KIFC3: variants seen among roughly 807,000 people sequenced by gnomAD.
The protein encoded by KIFC3 is kinesin-like protein KIFC3.
In KIFC3, 60 loss-of-function variants were observed where a neutral mutation model predicts 101.8. That is an observed-to-expected ratio of 0.59 (90% CI 0.48 to 0.73). The LOEUF (loss-of-function observed/expected upper bound fraction) is 0.73. Among genes scored for constraint, KIFC3 ranks in the 30% least tolerant of loss-of-function variants. The pLI, the probability that KIFC3 is intolerant of heterozygous loss-of-function variation, is 0.00. For missense variants in KIFC3, 966 were observed against 1,137.1 expected, an observed-to-expected ratio of 0.85 and a Z score of 2.16; for synonymous variants, 476 against 482.7, an observed-to-expected ratio of 0.99 and a Z score of 0.18.
chr16:57,813,413 A>G (rs1031797207), intron 1 of KIFC3, among the ~76,000 whole-genome samples: 5 of 152,164 alleles, frequency 3.3e-5, no homozygotes, highest in South Asian at 4.1e-4. Context: ...TTGGAGGCAC[A>G]GTGTCCCTGT....
At chr16:57,833,182 G>A (rs1404901844) in intron 1 of KIFC3, among the ~76,000 whole-genome samples, 1 of 151,112 alleles carries the variant, frequency 6.6e-6, no homozygotes, top group East Asian at 1.9e-4. Context: ...TTGCAGCCTG[G>A]GTGGCAAAGC....
At chr16:57,782,612 TC>T (rs1246986195) in intron 3 of KIFC3, among the ~76,000 whole-genome samples, 3 of 152,026 alleles carry the variant, frequency 2.0e-5, no homozygotes, top group Non-Finnish European at 4.4e-5. Flanking sequence ...TTCAGATACA[TC>T]CCCTGAGAAA....
chr16:57,785,747 AC>A, intron 3 of KIFC3: 2 of 830,234 alleles, frequency 2.4e-6, no homozygotes, highest in Non-Finnish European at 3.2e-6. Context: ...AGCAAGACAG[AC>A]CACCAGGGAT....
chr16:57,790,824 T>C (rs1269857734), intron 3 of KIFC3: 2 of 712,058 alleles, frequency 2.8e-6, no homozygotes, highest in African/African-American at 3.8e-5. Context: ...ATACAGATAA[T>C]TGAAAAGACA....
chr16:57,806,232 A>G (rs1478126684), upstream of KIFC3, among the ~76,000 whole-genome samples: 3 of 152,188 alleles, frequency 2.0e-5, no homozygotes, highest in Non-Finnish European at 4.4e-5. Context: ...CCCATTTTAA[A>G]TGATTTAACC....
Position 57,798,118 on chromosome 16 carries a change from CGGGCTGGCTG to C in KIFC3, c.116_125del (p.Pro39ArgfsTer14). The C allele has an allele frequency of 6.3e-7, 1 of 1,577,422 alleles. No homozygotes were observed. Among genetic ancestry groups the C allele is most frequent in the Non-Finnish European group, 8.6e-7 (1 of 1,162,096 alleles). On this transcript the variant is annotated frameshift_variant, in exon 2 of 20. Coordinates refer to ENST00000445690, the MANE Select transcript of KIFC3 (RefSeq NM_001130100.2). LOFTEE classifies it high-confidence loss of function. Reference sequence around the variant, plus strand: ...CGGTGTGTGGGAAAGGGCGGGCGGCCGGGCTGGCTGGGGCTGGGGCGGGGCGAGCCATCCC... The same window carrying C: ...CGGTGTGTGGGAAAGGGCGGGCGGCCGGGCTGGGGCGGGGCGAGCCATCCC...
intron 1 of KIFC3, among the ~76,000 whole-genome samples, chr16:57,810,421 A>G (rs932780850): frequency 7.9e-5 from 12 of 152,154 alleles, no homozygotes; most frequent in African/African-American, 2.7e-4. Context: ...GCAAACAGCA[A>G]CAGGAAGTTT....
chr16:57,782,190 C>T (rs904457093), intron 3 of KIFC3: 9 of 971,840 alleles, frequency 9.3e-6, no homozygotes, highest in Admixed American at 6.1e-5. Context: ...TCTGTCCATT[C>T]TTACAACAGA....
chr16:57,852,469 C>G (rs1435019200), intron 1 of KIFC3, among the ~76,000 whole-genome samples: 1 of 152,160 alleles, frequency 6.6e-6, no homozygotes, highest in Admixed American at 6.6e-5. Flanking sequence ...TCACATCATC[C>G]CTGGGTTTCG....
chr16:57,762,699 C>T (rs557702964), intron 12 of KIFC3, among the ~76,000 whole-genome samples: 3 of 152,260 alleles, frequency 2.0e-5, no homozygotes, highest in East Asian at 3.9e-4. Flanking sequence ...CAAGGAGGAG[C>T]GGGCCAGTGT....
upstream of KIFC3, among the ~76,000 whole-genome samples, chr16:57,807,111 G>A (rs1333920978): frequency 1.3e-5 from 2 of 152,104 alleles, no homozygotes; most frequent in Non-Finnish European, 2.9e-5. Context: ...CAGCTACTTA[G>A]GAGGCTGAGG....
chr16:57,771,126 C>G (rs879967877), intron 6 of KIFC3, 72 bp downstream of exon 6: 7 of 1,573,472 alleles, frequency 4.4e-6, no homozygotes, highest in East Asian at 2.2e-5. Flanking sequence ...ACAAGCCCCC[C>G]TTATGGGCTA....
In KIFC3 at chr16:57,797,904, G is replaced by A. The variant is rs1333991881; in HGVS notation, c.172+168C>T. On this transcript the variant is annotated intron_variant, in intron 2 of 19. Coordinates refer to ENST00000445690, the MANE Select transcript of KIFC3 (RefSeq NM_001130100.2). ...GGGGCGCAGGGAAGGAGCGCCCGGCGAGACTGACGCTCCGGCTCCACGCCC... is the reference window on the plus strand; with the variant it reads ...GGGGCGCAGGGAAGGAGCGCCCGGCAAGACTGACGCTCCGGCTCCACGCCC... 6.1e-6 allele frequency: 9 copies of A among 1,485,890 alleles called. No homozygotes were observed. In the East Asian group the frequency reaches 1.3e-4, roughly 21 times the overall value. The allele number at this position is 1,485,890 out of a possible 1,614,324, so 92.0% of individuals were successfully genotyped here.
intron 1 of KIFC3, among the ~76,000 whole-genome samples, chr16:57,821,407 C>T (rs782382584): frequency 6.6e-6 from 1 of 152,186 alleles, no homozygotes; most frequent in Non-Finnish European, 1.5e-5. Context: ...AGGTAACTCT[C>T]TGCTGCTTTA....
intron 1 of KIFC3, among the ~76,000 whole-genome samples, chr16:57,850,425 CAAT>C (rs1325711279): frequency 1.5e-5 from 2 of 137,608 alleles, no homozygotes; most frequent in East Asian, 2.1e-4. Context: ...TAATATAATA[CAAT>C]AATAATAATA....
intron 3 of KIFC3, among the ~76,000 whole-genome samples, chr16:57,789,172 C>T (rs1190311966): frequency 1.3e-5 from 2 of 152,220 alleles, no homozygotes; most frequent in African/African-American, 2.4e-5. Context: ...CCAGATGGGA[C>T]CCCCAGGACT....
rs560480506 is a variant in KIFC3 at position 57,785,722 on chromosome 16, G to C, written c.315+9277C>G. ...CAGCAGAGGTCCCACGCTGGCAGAG[G>C]AGGGGGTCCATCACAGCAAGACAGA... On this transcript the variant is annotated intron_variant, in intron 3 of 19. Transcript: ENST00000445690. 1.0e-3 allele frequency: 1,103 copies of C among 1,082,344 alleles called. 1 individual carries two copies. The highest frequency in any genetic ancestry group is 1.2e-3 in the Non-Finnish European group (1,034 of 841,702). The allele number at this position is 1,082,344 out of a possible 1,614,324, so 67.0% of individuals were successfully genotyped here. A position where few individuals can be genotyped will look rare whatever the true frequency, so the allele number is the denominator to read the frequency against.
chr16:57,830,365 G>A (rs1398674999), intron 1 of KIFC3, among the ~76,000 whole-genome samples: 1 of 150,840 alleles, frequency 6.6e-6, no homozygotes, highest in East Asian at 2.0e-4. Flanking sequence ...AGCCTCTAGA[G>A]TAGCTGAGAT....
Position 57,810,052 on chromosome 16 carries a change from C to T in KIFC3, c.109-11770G>A, listed in dbSNP as rs571326004. On this transcript the variant is annotated intron_variant, in intron 1 of 2. Transcript: ENST00000563028. ...AGATCTTCTGAGGTCAGTCCTGGAA[C>T]GCCTCAGTACCCCGCGGTCCAACAC... Among the ~76,000 whole-genome samples, 14 of 152,236 alleles carry T rather than the reference C, an allele frequency of 9.2e-5. 1 individual carries two copies. In the South Asian group the frequency reaches 2.5e-3, roughly 27 times the overall value.
Sources: allele counts gnomAD v4.1 joint callset (sites outside exome capture counted in the v4.1 genomes callset), GRCh38; gene constraint gnomAD v4.1.1; transcripts MANE v1.5; gene names NCBI Gene and HGNC (gene_info 2026-07-23, HGNC 2026-07-21).